UBAC2: variants seen among roughly 807,000 people sequenced by gnomAD.
UBAC2 encodes UBA domain containing 2.
A neutral mutation model predicts 44.0 loss-of-function variants in UBAC2; 26 were observed. That is an observed-to-expected ratio of 0.59 (90% CI 0.43 to 0.82). UBAC2 has a LOEUF of 0.82. Ranked by LOEUF, UBAC2 falls within the 40% of genes least tolerant of loss-of-function variation. The pLI is 0.00. For missense variants in UBAC2, 329 were observed against 419.4 expected (o/e 0.78, Z 1.88); for synonymous variants, 155 against 154.3 (o/e 1.00, Z -0.04).
chr13:99,353,577 C>A (rs1157095390), intron 7 of UBAC2, among the ~76,000 whole-genome samples: 1 of 152,160 alleles, frequency 6.6e-6, no homozygotes, highest in Non-Finnish European at 1.5e-5. Flanking sequence ...ATCAGTAATC[C>A]TAATTCTTTT....
At chr13:99,301,028 A>G (rs1470123758) in intron 4 of UBAC2, among the ~76,000 whole-genome samples, 1 of 152,240 alleles carries the variant, frequency 6.6e-6, no homozygotes, top group Non-Finnish European at 1.5e-5. Flanking sequence ...ATCATTTATC[A>G]TTGTATTGCC....
chr13:99,274,034 A>G (rs1273054532), intron 4 of UBAC2, among the ~76,000 whole-genome samples: 1 of 152,066 alleles, frequency 6.6e-6, no homozygotes, highest in Non-Finnish European at 1.5e-5. Flanking sequence ...ACAAAGTGAC[A>G]CCTTCTAAGC....
chr13:99,326,903 C>A (rs549714594), intron 6 of UBAC2, among the ~76,000 whole-genome samples: 35 of 152,308 alleles, frequency 2.3e-4, no homozygotes, highest in Admixed American at 3.9e-4. Flanking sequence ...GGAGGGCAAT[C>A]TTGGGTATGA....
At chr13:99,367,313 G>T (rs1301912962) in intron 7 of UBAC2, among the ~76,000 whole-genome samples, 1 of 152,206 alleles carries the variant, frequency 6.6e-6, no homozygotes, top group Non-Finnish European at 1.5e-5. Context: ...GTCATAAGAA[G>T]AAGAAAGGTA....
chr13:99,284,638 A>C (rs1242072688), intron 4 of UBAC2, among the ~76,000 whole-genome samples: 1 of 152,232 alleles, frequency 6.6e-6, no homozygotes, highest in Non-Finnish European at 1.5e-5. Context: ...TGTCCAAATA[A>C]TGTCCTTTAT....
chr13:99,318,097 A>C (rs762977351), intron 6 of UBAC2, 28 bp downstream of exon 6: 10 of 1,588,824 alleles, frequency 6.3e-6, no homozygotes, highest in Non-Finnish European at 8.6e-6. Context: ...TTTACACCCA[A>C]TTCTCTCTCT....
intron 4 of UBAC2, among the ~76,000 whole-genome samples, chr13:99,270,884 A>G (rs1322309825): frequency 2.0e-5 from 3 of 152,256 alleles, no homozygotes; most frequent in Non-Finnish European, 4.4e-5. Context: ...TAAAGTAGCC[A>G]CTTAGTAAAT....
intron 1 of UBAC2, among the ~76,000 whole-genome samples, chr13:99,227,179 C>T (rs1055881787): frequency 4.0e-5 from 6 of 150,186 alleles, no homozygotes; most frequent in African/African-American, 1.2e-4. Context: ...GCCCGGACAA[C>T]AAGAGCGAAA....
intron 6 of UBAC2, among the ~76,000 whole-genome samples, chr13:99,332,190 A>G (rs778049222): frequency 2.1e-4 from 32 of 152,330 alleles, no homozygotes; most frequent in Non-Finnish European, 3.1e-4. Context: ...AAAGAAAGCA[A>G]TCGACACCTG....
intron 4 of UBAC2, among the ~76,000 whole-genome samples, chr13:99,283,922 A>G (rs1177939423): frequency 6.6e-6 from 1 of 151,630 alleles, no homozygotes; most frequent in African/African-American, 2.4e-5. Flanking sequence ...TTTAATAGAG[A>G]CGGTGTTTCA....
At chr13:99,316,984 A>G (rs1361817707) in intron 5 of UBAC2, among the ~76,000 whole-genome samples, 1 of 152,232 alleles carries the variant, frequency 6.6e-6, no homozygotes, top group Non-Finnish European at 1.5e-5. Flanking sequence ...TTCCATCCTT[A>G]TTATTATCAG....
At chr13:99,243,757 A>T (rs1191676390) in intron 2 of UBAC2, 75 bp from the exon 3 acceptor site, 2 of 1,386,312 alleles carry the variant, frequency 1.4e-6, no homozygotes, top group East Asian at 2.5e-5. Context: ...CAGTGTAAAC[A>T]TAACAAATTT....
At chr13:99,333,244 A>G (rs1443236415) in intron 6 of UBAC2, among the ~76,000 whole-genome samples, 2 of 152,250 alleles carry the variant, frequency 1.3e-5, no homozygotes, top group African/African-American at 4.8e-5. Flanking sequence ...CCATCTTTCC[A>G]TAGACTAGGG....
chr13:99,269,575 A>G (rs1030357108), intron 4 of UBAC2, among the ~76,000 whole-genome samples: 4 of 152,264 alleles, frequency 2.6e-5, no homozygotes, highest in Non-Finnish European at 2.9e-5. Context: ...AAATACTTAA[A>G]GAGGAATAGA....
chr13:99,351,962 A>C (rs1339136945), intron 7 of UBAC2: 2 of 348,730 alleles, frequency 5.7e-6, no homozygotes, highest in African/African-American at 4.3e-5. Flanking sequence ...GCATTTGGTT[A>C]AAGTGAGTTT....
In UBAC2 at chr13:99,385,304, A is replaced by G. The variant is rs747363898; in HGVS notation, c.1004A>G (p.Asn335Ser). The G allele has an allele frequency of 2.5e-5, 40 of 1,613,998 alleles. 1 individual carries two copies. In the East Asian group the frequency reaches 3.3e-4, roughly 13 times the overall value. The change falls in exon 9 of 9, where the codon AAT becomes AGT. Residue 335 changes from asparagine (N) to serine (S), a missense_variant. Transcript: ENST00000403766. ...EALRASNNDL[N>S]VATNFLLQH ...CTGAGAGCTTCAAACAATGACCTCA[A>G]TGTCGCCACCAACTTCCTGCTGCAG...
In UBAC2 at chr13:99,385,386, G is replaced by A. The variant is rs1202539487; in HGVS notation, c.*51G>A. 6.9e-7 allele frequency: 1 copy of A among 1,452,184 alleles called. No homozygotes were observed. Among genetic ancestry groups the A allele is most frequent in the South Asian group, 1.1e-5 (1 of 87,602 alleles). The allele number at this position is 1,452,184 out of a possible 1,614,324, so 90.0% of individuals were successfully genotyped here. On this transcript the variant is annotated 3_prime_UTR_variant, in exon 9 of 9. Transcript: ENST00000403766. ...GACCGGCAGCCGAGTGACAGTGCGT[G>A]GTCCCCACCATCAGATCAGCCCGGG...
chr13:99,299,613 TA>T (rs777627786), intron 4 of UBAC2, among the ~76,000 whole-genome samples: 53 of 152,202 alleles, frequency 3.5e-4, no homozygotes, highest in Non-Finnish European at 7.5e-4. Context: ...AATAAATAGG[TA>T]AAAAAAATTT....
rs771384072 is a variant in UBAC2 at position 99,295,219 on chromosome 13, G to A, written c.390-18878G>A. 48 of 1,614,104 alleles carry A rather than the reference G, an allele frequency of 3.0e-5. No individual in the cohort carries two copies. Among genetic ancestry groups the A allele is most frequent in the Middle Eastern group, 1.6e-4 (1 of 6,062 alleles). ...TTCTCTTATACCCTTTACATGCAAA[G>A]AAGTAGATAAAAGGGTCCATGCAGC... is the stretch of plus-strand genomic sequence containing the variant. On this transcript the variant is annotated intron_variant, in intron 4 of 8. Transcript: ENST00000403766. This position sits in a 1 kb window ranked among gnomAD's most constrained non-coding sequence, Gnocchi z 4.1.
Sources: allele counts gnomAD v4.1 joint callset (sites outside exome capture counted in the v4.1 genomes callset), GRCh38; gene constraint gnomAD v4.1.1; non-coding constraint Gnocchi (gnomAD v3.1); transcripts MANE v1.5; gene names NCBI Gene and HGNC (gene_info 2026-07-23, HGNC 2026-07-21).